PLCL2: variants seen among roughly 807,000 people sequenced by gnomAD.
PLCL2 encodes the protein phospholipase C like 2.
A neutral mutation model predicts 79.6 loss-of-function variants in PLCL2; 4 were observed. The observed-to-expected ratio is 0.05, with a 90% CI of 0.02 to 0.11. The LOEUF is 0.11. Among genes scored for constraint, PLCL2 ranks in the 10% least tolerant of loss-of-function variants. The probability of loss-of-function intolerance (pLI) is 1.00; values close to 1 mark genes in which losing one functional copy is unlikely to be tolerated. For missense variants in PLCL2, 895 were observed against 1,291.0 expected, an observed-to-expected ratio of 0.69 and a Z score of 4.70; for synonymous variants, 484 against 457.7, an observed-to-expected ratio of 1.06 and a Z score of -0.73.
Position 17,068,077 on chromosome 3 carries a change from G to A in PLCL2, c.3204+12G>A. 1 of 1,453,582 alleles carries A rather than the reference G, an allele frequency of 6.9e-7. No individual in the cohort carries two copies. Among genetic ancestry groups the A allele is most frequent in the Non-Finnish European group, 9.6e-7 (1 of 1,039,272 alleles). 90.0% of individuals were successfully genotyped at this position (1,453,582 alleles called of 1,614,324 possible). A position where few individuals can be genotyped will look rare whatever the true frequency, so the allele number is the denominator to read the frequency against. Reference sequence around the variant, plus strand: ...TTACCATCTTAAAGGTATCTATAGAGTTGTTTCTGATGCTGGTGATTTTGC... The same window carrying A: ...TTACCATCTTAAAGGTATCTATAGAATTGTTTCTGATGCTGGTGATTTTGC... On this transcript the variant is annotated intron_variant, in intron 5 of 5. Transcript: ENST00000615277.
At chr3:16,919,692 A>G (rs990088513) in intron 1 of PLCL2, among the ~76,000 whole-genome samples, 2 of 152,176 alleles carry the variant, frequency 1.3e-5, no homozygotes, top group African/African-American at 4.8e-5. Flanking sequence ...GTTGGCCTAC[A>G]GAAAAAGTAT....
intron 1 of PLCL2, among the ~76,000 whole-genome samples, chr3:16,893,798 C>T (rs1420052091): frequency 2.0e-5 from 3 of 152,192 alleles, no homozygotes; most frequent in Non-Finnish European, 2.9e-5. Context: ...CATGTGTACA[C>T]ATGCTATACT....
At chr3:16,982,645 C>G (rs1366839040) in intron 1 of PLCL2, among the ~76,000 whole-genome samples, 9 of 152,162 alleles carry the variant, frequency 5.9e-5, no homozygotes. Flanking sequence ...CCTCTTTTTC[C>G]TCTTCCTTAA....
chr3:16,962,011 G>C (rs1276552244), intron 1 of PLCL2, among the ~76,000 whole-genome samples: 1 of 152,170 alleles, frequency 6.6e-6, no homozygotes, highest in Non-Finnish European at 1.5e-5. Context: ...ATCTGGGACT[G>C]ATGAGCAAGC....
At chr3:16,981,796 T>A (rs1345370500) in intron 1 of PLCL2, among the ~76,000 whole-genome samples, 1 of 152,218 alleles carries the variant, frequency 6.6e-6, no homozygotes, top group East Asian at 1.9e-4. Flanking sequence ...TTAATTTTGC[T>A]GGGTAGTAAA....
At chr3:17,007,138 A>G (rs115123346) in intron 1 of PLCL2, among the ~76,000 whole-genome samples, 81 of 152,258 alleles carry the variant, frequency 5.3e-4, no homozygotes, top group African/African-American at 1.9e-3. Flanking sequence ...GTCTTTATCA[A>G]AGGTAAATGC....
At chr3:16,997,279 C>T (rs576500813) in intron 1 of PLCL2, among the ~76,000 whole-genome samples, 3 of 152,136 alleles carry the variant, frequency 2.0e-5, no homozygotes, top group African/African-American at 4.8e-5. Context: ...AAGACTGACC[C>T]ACATAAAACA....
At chr3:16,913,369 A>G (rs1696924869) in intron 1 of PLCL2, among the ~76,000 whole-genome samples, 2 of 151,058 alleles carry the variant, frequency 1.3e-5, no homozygotes, top group Admixed American at 1.3e-4. Context: ...TCTTTTATCT[A>G]GTAAGACTCT....
chr3:16,923,550 C>T (rs539726354), intron 1 of PLCL2, among the ~76,000 whole-genome samples: 19 of 152,318 alleles, frequency 1.2e-4, no homozygotes, highest in Admixed American at 3.9e-4. Context: ...TTTCACTCTT[C>T]TTGTGTCAGA....
At chr3:17,058,346 G>A (rs1224203985) in intron 4 of PLCL2, among the ~76,000 whole-genome samples, 1 of 152,124 alleles carries the variant, frequency 6.6e-6, no homozygotes, top group Non-Finnish European at 1.5e-5. Context: ...AAACAAATTT[G>A]GTGTTAGACT....
chr3:17,011,981 G>T lies in PLCL2; in HGVS notation c.2635G>T (p.Ala879Ser). Residue 879 changes from alanine (A) to serine (S), a missense_variant, in exon 2 of 6, where the codon GCT becomes TCT. Physicochemically the swap from Ala to Ser is moderately conservative, Grantham distance 99 (BLOSUM62 1). This residue lies in a region of PLCL2 where 298 missense variants were observed against 459.6 expected (regional missense o/e 0.65). Transcript: ENST00000615277. This position sits in a 1 kb window ranked among gnomAD's most constrained non-coding sequence, Gnocchi z 7.9. Reference protein sequence around the residue: ...LAHASLFVHVAITNRRGGGKP... With the variant: ...LAHASLFVHVSITNRRGGGKP... ...ACATGCTTCTTTATTTGTCCACGTG[G>T]CTATTACTAACCGAAGAGGAGGAGG... 1 of 1,614,158 alleles carries T rather than the reference G, an allele frequency of 6.2e-7. No homozygotes were observed. The highest frequency in any genetic ancestry group is 8.5e-7 in the Non-Finnish European group (1 of 1,180,002).
intron 1 of PLCL2, among the ~76,000 whole-genome samples, chr3:16,928,247 G>A (rs1697304299): frequency 6.6e-6 from 1 of 152,218 alleles, no homozygotes; most frequent in Admixed American, 6.5e-5. Flanking sequence ...GGCTGAGAGA[G>A]CATCTCAGAA....
At chr3:17,001,535 G>A (rs1251131044) in intron 1 of PLCL2, among the ~76,000 whole-genome samples, 2 of 152,072 alleles carry the variant, frequency 1.3e-5, no homozygotes, top group Non-Finnish European at 1.5e-5. Context: ...TTTGTATATG[G>A]TAAGAGATAG....
intron 1 of PLCL2, among the ~76,000 whole-genome samples, chr3:16,982,654 A>G (rs977521112): frequency 1.3e-5 from 2 of 152,176 alleles, no homozygotes; most frequent in Admixed American, 1.3e-4. Context: ...CCTCTTCCTT[A>G]AGAGCCCCTT....
At chr3:16,989,872 A>AT (rs1192993480) in intron 1 of PLCL2, among the ~76,000 whole-genome samples, 1 of 152,152 alleles carries the variant, frequency 6.6e-6, no homozygotes, top group Non-Finnish European at 1.5e-5. Flanking sequence ...TCACTGTATG[A>AT]TAAAAAATAG....
At chr3:16,945,564 C>G (rs1302358615) in intron 1 of PLCL2, among the ~76,000 whole-genome samples, 2 of 152,164 alleles carry the variant, frequency 1.3e-5, no homozygotes, top group African/African-American at 4.8e-5. Flanking sequence ...CACCACCTCT[C>G]TTGTGACTTT....
chr3:17,059,452 GTATA>G (rs1238098582), intron 4 of PLCL2, among the ~76,000 whole-genome samples: 1 of 150,470 alleles, frequency 6.6e-6, no homozygotes, highest in Non-Finnish European at 1.5e-5. Flanking sequence ...GTGTGTGTGT[GTATA>G]TATATGTGTA....
At chr3:17,051,764 C>T (rs2064841615) in intron 4 of PLCL2, among the ~76,000 whole-genome samples, 2 of 152,176 alleles carry the variant, frequency 1.3e-5, no homozygotes, top group South Asian at 4.1e-4. Context: ...GCCTGAACAA[C>T]AAGAGCTTCT....
chr3:16,930,237 C>A (rs745789858), intron 1 of PLCL2, among the ~76,000 whole-genome samples: 9 of 152,082 alleles, frequency 5.9e-5, no homozygotes, highest in Non-Finnish European at 1.0e-4. Context: ...CTCATGGGTT[C>A]ATATTTTTGT....
Sources: allele counts gnomAD v4.1 joint callset (sites outside exome capture counted in the v4.1 genomes callset), GRCh38; gene constraint gnomAD v4.1.1; regional missense constraint gnomAD v4.1.1; non-coding constraint Gnocchi (gnomAD v3.1); transcripts MANE v1.5; gene names NCBI Gene and HGNC (gene_info 2026-07-23, HGNC 2026-07-21).